The following GSDMC variants were observed in gnomAD, a reference collection of about 807,000 sequenced individuals.
The protein encoded by GSDMC is gasdermin C.
GSDMC carries 59 observed loss-of-function variants against 58.0 expected under a neutral mutation model. The observed-to-expected ratio is 1.02, with a 90% CI of 0.82 to 1.26. The LOEUF (loss-of-function observed/expected upper bound fraction) is 1.26, where lower values mean the gene tolerates loss of function less well. GSDMC is among the 50% of genes most tolerant of loss of function. The probability of loss-of-function intolerance (pLI) is 0.00; values close to 1 mark genes in which losing one functional copy is unlikely to be tolerated. For missense variants in GSDMC, 659 were observed against 598.5 expected, an observed-to-expected ratio of 1.10 and a Z score of -1.06; for synonymous variants, 241 against 220.2, an observed-to-expected ratio of 1.09 and a Z score of -0.83.
At chr8:129,717,031 A>C in the GSDMC span, among the ~76,000 whole-genome samples, 1 of 152,162 alleles carries the variant, frequency 6.6e-6, no homozygotes, top group African/African-American at 2.4e-5. Context: ...GTATTTTATT[A>C]AGGATTTTTG....
chr8:129,748,529 G>A lies in GSDMC; in HGVS notation c.1499C>T (p.Ser500Leu), dbSNP rs778626448. Residue 500 changes from serine (S) to leucine (L), a missense_variant, in exon 14 of 14, where the codon TCG becomes TTG. By Grantham distance (145) the Ser-to-Leu change is moderately radical. Transcript: ENST00000276708. ...MPLSALYGTLSLLQQLAEA is the reference protein window; with the variant it reads ...MPLSALYGTLLLLQQLAEA ...GGCCTCAGCCAGCTGCTGCAGCAACGAGAGAGTCCCATAGAGGGCAGACAG... is the reference window on the plus strand; with the variant it reads ...GGCCTCAGCCAGCTGCTGCAGCAACAAGAGAGTCCCATAGAGGGCAGACAG... The A allele has an allele frequency of 1.7e-5, 28 of 1,611,178 alleles. No individual in the cohort carries two copies. Among genetic ancestry groups the A allele is most frequent in the Admixed American group, 3.4e-5 (2 of 59,586 alleles).
chr8:129,762,321 T>C (rs1048403302), intron 5 of GSDMC, among the ~76,000 whole-genome samples: 11 of 152,064 alleles, frequency 7.2e-5, no homozygotes, highest in African/African-American at 2.7e-4. Context: ...ATAAGGATGG[T>C]CAGGATTAGG....
chr8:129,760,232 A>T (rs1385555480), intron 6 of GSDMC, among the ~76,000 whole-genome samples: 1 of 152,116 alleles, frequency 6.6e-6, no homozygotes, highest in Non-Finnish European at 1.5e-5. Context: ...GGTCTGGAGG[A>T]GAGGTAGGGA....
chr8:129,776,397 C>T (rs1302962097), intron 2 of GSDMC, 112 bp from the exon 3 acceptor site: 19 of 675,688 alleles, frequency 2.8e-5, no homozygotes, highest in Non-Finnish European at 3.8e-5. Flanking sequence ...CTATTTTGCC[C>T]CAATCCTCCC....
intron 3 of GSDMC, among the ~76,000 whole-genome samples, chr8:129,772,046 T>A (rs2128386): frequency 6.6e-6 from 1 of 151,922 alleles, no homozygotes; most frequent in South Asian, 2.1e-4. Context: ...GGGCAGATCA[T>A]GAGGTCAGGA....
the GSDMC span, chr8:129,729,760 G>A: frequency 1.1e-4 from 67 of 588,572 alleles, 1 homozygote; most frequent in Non-Finnish European, 9.8e-5. Context: ...AAAAAGTGTC[G>A]CAATAAACAT....
chr8:129,713,058 G>A, the GSDMC span, among the ~76,000 whole-genome samples: 1 of 152,214 alleles, frequency 6.6e-6, no homozygotes, highest in Non-Finnish European at 1.5e-5. Context: ...GCAATCCCTC[G>A]AATGCAACAG....
rs747140147 is a variant in GSDMC at position 129,752,763 on chromosome 8, GGTAGCAA to G, written c.772_778del (p.Leu258HisfsTer18). 6.2e-7 allele frequency: 1 copy of G among 1,614,066 alleles called. No individual in the cohort carries two copies. Among genetic ancestry groups the G allele is most frequent in the Non-Finnish European group, 8.5e-7 (1 of 1,180,034 alleles). ...GGTTGGAGAGATGGTATGAAATGAT[GGTAGCAA>G]CCCCTCACTCCTCGCAGCACAGTAG... On this transcript the variant is annotated frameshift_variant, in exon 7 of 14. Transcript: ENST00000276708. LOFTEE classifies it high-confidence loss of function.
Position 129,762,733 on chromosome 8 carries a change from TG to T in GSDMC, c.571-3del. The T allele has an allele frequency of 6.3e-7, 1 of 1,599,548 alleles. No individual in the cohort carries two copies. Among genetic ancestry groups the T allele is most frequent in the Non-Finnish European group, 8.6e-7 (1 of 1,166,632 alleles). On this transcript the variant is annotated splice_polypyrimidine_tract_variant and splice_region_variant and intron_variant, in intron 4 of 13. Coordinates refer to ENST00000276708, the MANE Select transcript of GSDMC (RefSeq NM_031415.3). ...GAGACTCTCTCCTTGGCCTTGACCCTGGGGAGAGAAACCAGACAATACAGTA... is the reference window on the plus strand; with the variant it reads ...GAGACTCTCTCCTTGGCCTTGACCCTGGGAGAGAAACCAGACAATACAGTA...
the GSDMC span, among the ~76,000 whole-genome samples, chr8:129,738,714 T>C: frequency 1.2e-4 from 18 of 151,944 alleles, no homozygotes; most frequent in Non-Finnish European, 2.1e-4. Flanking sequence ...AAATGACGAG[T>C]TAACGGGTGC....
chr8:129,750,142 T>C, intron 11 of GSDMC, 23 bp from the exon 12 acceptor site: 1 of 1,497,838 alleles, frequency 6.7e-7, no homozygotes. Flanking sequence ...GGTATTATTG[T>C]TAATAATAAT....
the GSDMC span, among the ~76,000 whole-genome samples, chr8:129,709,500 A>AGATAGAT: frequency 3.4e-4 from 40 of 117,068 alleles, no homozygotes; most frequent in Middle Eastern, 3.8e-3. Context: ...GATAGATGAT[A>AGATAGAT]GATAGACAGA....
At chr8:129,740,758 G>A in the GSDMC span, among the ~76,000 whole-genome samples, 1 of 152,298 alleles carries the variant, frequency 6.6e-6, no homozygotes, top group African/African-American at 2.4e-5. Flanking sequence ...CCTAGCAGAT[G>A]TATGGATTGC....
chr8:129,709,637 T>G, the GSDMC span, among the ~76,000 whole-genome samples: 7 of 150,408 alleles, frequency 4.7e-5, no homozygotes, highest in African/African-American at 1.7e-4. Flanking sequence ...GATAGATAGA[T>G]ATGGAGATAG....
chr8:129,724,958 G>A, the GSDMC span, among the ~76,000 whole-genome samples: 3 of 152,276 alleles, frequency 2.0e-5, no homozygotes, highest in Admixed American at 2.0e-4. Context: ...TCTACTTGGA[G>A]GTTTTCTTGA....
At chr8:129,763,483 C>A (rs182605952) in intron 4 of GSDMC, among the ~76,000 whole-genome samples, 121 of 152,250 alleles carry the variant, frequency 7.9e-4, no homozygotes, top group Non-Finnish European at 1.5e-3. Flanking sequence ...TGTATTTCCT[C>A]CTGAAAGATT....
chr8:129,752,074 G>A, intron 8 of GSDMC, 32 bp downstream of exon 8: 1 of 1,599,110 alleles, frequency 6.3e-7, no homozygotes, highest in East Asian at 2.2e-5. Context: ...TGTGCAGATT[G>A]TCCTGGAAGG....
At chr8:129,761,007 GC>G (rs1401157846) in intron 5 of GSDMC, among the ~76,000 whole-genome samples, 1 of 152,186 alleles carries the variant, frequency 6.6e-6, no homozygotes, top group African/African-American at 2.4e-5. Flanking sequence ...AGGGGAAAGA[GC>G]CTATGAAGAA....
rs776364654 is a variant in GSDMC at position 129,748,770 on chromosome 8, C to T, written c.1288-30G>A. The T allele has an allele frequency of 4.1e-6, 6 of 1,479,866 alleles. No individual in the cohort carries two copies. The South Asian group carries it at 5.8e-5, about 14-fold the overall frequency. The allele number at this position is 1,479,866 out of a possible 1,614,324, so 91.7% of individuals were successfully genotyped here. ...AAGAAAGATGATCAGGTTCTACAGA[C>T]CAGCCTTTAAGATGAGGAAGAGAAG... On this transcript the variant is annotated intron_variant, in intron 13 of 13. Transcript: ENST00000276708.
Sources: gnomAD v4.1 joint callset for allele counts (sites outside exome capture counted in the v4.1 genomes callset) on GRCh38, gnomAD v4.1.1 for gene constraint, MANE v1.5 for transcripts, NCBI Gene and HGNC (gene_info 2026-07-23, HGNC 2026-07-21) for gene names.